The following TNN variants were observed in gnomAD, a reference collection of about 807,000 sequenced individuals.
TNN encodes tenascin N, also known as tenascin-N.
A neutral mutation model predicts 134.4 loss-of-function variants in TNN; 122 were observed. That is an observed-to-expected ratio of 0.91 (90% CI 0.78 to 1.06). The LOEUF (loss-of-function observed/expected upper bound fraction) is 1.06, where lower values mean the gene tolerates loss of function less well. Among genes scored for constraint, TNN ranks in the 50% least tolerant of loss-of-function variants. TNN has a pLI of 0.00. For synonymous variants in TNN, 710 were observed against 670.3 expected (o/e 1.06, Z -0.91); for missense variants, 1,739 against 1,699.4 (o/e 1.02, Z -0.41).
chr1:175,125,822 CTTT>C (rs1399230796), intron 12 of TNN, among the ~76,000 whole-genome samples: 25,569 of 134,648 alleles, frequency 0.19, 2,736 homozygotes, highest in East Asian at 0.22. Flanking sequence ...TCCCTCCCTC[CTTT>C]CTTTCTTTCT....
chr1:175,123,574 G>A lies in TNN; in HGVS notation c.2825G>A (p.Gly942Asp). Residue 942 changes from glycine to aspartate, a missense_variant, in exon 12 of 19, where the codon GGC (glycine) becomes GAC (aspartate). Gly to Asp is a moderately conservative substitution (Grantham distance 94). Transcript: ENST00000239462. Reference sequence around the variant, plus strand: ...GAGCACAGCAGCACTGTCCTGACGGGCCTGAGACCAGGCATGGAGTACATG... The same window carrying A: ...GAGCACAGCAGCACTGTCCTGACGGACCTGAGACCAGGCATGGAGTACATG... The part of the protein sequence containing the change: ...GKEHSSTVLT[G>D]LRPGMEYMVH... 6.2e-7 allele frequency: 1 copy of A among 1,614,044 alleles called. No homozygotes were observed. Among genetic ancestry groups the A allele is most frequent in the Non-Finnish European group, 8.5e-7 (1 of 1,179,932 alleles).
chr1:175,115,999 A>G (rs952725487), intron 9 of TNN, among the ~76,000 whole-genome samples: 2 of 151,262 alleles, frequency 1.3e-5, no homozygotes, highest in Non-Finnish European at 2.9e-5. Flanking sequence ...TGTGCTCACC[A>G]GAGTTTCTGT....
At chr1:175,143,821 C>G (rs1430137949) in intron 17 of TNN, among the ~76,000 whole-genome samples, 1 of 152,188 alleles carries the variant, frequency 6.6e-6, no homozygotes, top group Non-Finnish European at 1.5e-5. Context: ...GACGTCTAAA[C>G]TCCAGAGGGG....
intron 11 of TNN, among the ~76,000 whole-genome samples, chr1:175,121,780 AC>A (rs1350421265): frequency 6.6e-6 from 1 of 152,214 alleles, no homozygotes; most frequent in Non-Finnish European, 1.5e-5. Context: ...TATTTGAGCA[AC>A]ATGGGAGATT....
At chr1:175,144,919 C>T (rs1170344861) in intron 18 of TNN, among the ~76,000 whole-genome samples, 1 of 152,158 alleles carries the variant, frequency 6.6e-6, no homozygotes, top group South Asian at 2.1e-4. Context: ...AAACAACAGA[C>T]ATTTATTTCT....
intron 15 of TNN, among the ~76,000 whole-genome samples, chr1:175,131,645 G>C (rs1675675573): frequency 6.6e-6 from 1 of 152,132 alleles, no homozygotes; most frequent in African/African-American, 2.4e-5. Context: ...CATTTATTGA[G>C]AGATCATAAT....
chr1:175,136,915 A>G lies in TNN; in HGVS notation c.3522A>G (p.Ile1174Met), dbSNP rs768454089. The G allele has an allele frequency of 3.1e-6, 5 of 1,614,202 alleles. No individual in the cohort carries two copies. The South Asian group carries it at 3.3e-5, about 11-fold the overall frequency. The change falls in exon 17 of 19, where the codon ATA becomes ATG. Residue 1174 changes from isoleucine to methionine, a missense_variant. Ile to Met is a conservative substitution (Grantham distance 10). Transcript: ENST00000239462. The stretch of plus-strand genomic sequence containing the variant: ...CTGCCAATGAATCTGCCTATGCTAT[A>G]TATGATTTCTTCCAAGTGGCCTCCA... Reference protein sequence around the residue: ...LQTANESAYAIYDFFQVASSK... With the variant: ...LQTANESAYAMYDFFQVASSK...
intron 9 of TNN, among the ~76,000 whole-genome samples, chr1:175,107,201 T>G (rs892997917): frequency 2.1e-5 from 3 of 146,264 alleles, no homozygotes; most frequent in Non-Finnish European, 4.6e-5. Context: ...GTGGCGCATC[T>G]GGAGTCTGTC....
intron 5 of TNN, 124 bp from the exon 6 acceptor site, chr1:175,085,281 C>T (rs1334744046): frequency 2.9e-5 from 19 of 658,338 alleles, no homozygotes; most frequent in African/African-American, 1.1e-4. Flanking sequence ...AATACAGATT[C>T]ATCTTTGGAG....
intron 9 of TNN, among the ~76,000 whole-genome samples, chr1:175,110,686 AT>A (rs1674995750): frequency 6.6e-6 from 1 of 152,072 alleles, no homozygotes; most frequent in African/African-American, 2.4e-5. Flanking sequence ...AAATATGTGG[AT>A]TTATTTCTGG....
At chr1:175,124,528 A>G (rs944809417) in intron 12 of TNN, among the ~76,000 whole-genome samples, 1 of 152,100 alleles carries the variant, frequency 6.6e-6, no homozygotes, top group Non-Finnish European at 1.5e-5. Context: ...TAAAAATACA[A>G]AAATTAGCTG....
At chr1:175,094,372 G>T in intron 7 of TNN, 119 bp downstream of exon 7, 1 of 1,086,054 alleles carries the variant, frequency 9.2e-7, no homozygotes, top group Non-Finnish European at 1.2e-6. Flanking sequence ...GTGGGGAGGA[G>T]GTTGCAAAAC....
intron 9 of TNN, among the ~76,000 whole-genome samples, chr1:175,099,072 C>T (rs1007533881): frequency 6.6e-6 from 1 of 152,152 alleles, no homozygotes; most frequent in African/African-American, 2.4e-5. Context: ...AATAAAATAT[C>T]TAGTCATTTT....
chr1:175,113,832 G>C (rs535206014), intron 9 of TNN, among the ~76,000 whole-genome samples: 1 of 151,730 alleles, frequency 6.6e-6, no homozygotes, highest in African/African-American at 2.4e-5. Flanking sequence ...TTTTCTGCTT[G>C]ATCAAGTCTG....
intron 11 of TNN, among the ~76,000 whole-genome samples, chr1:175,122,145 C>A (rs934293866): frequency 1.3e-5 from 2 of 151,158 alleles, no homozygotes; most frequent in African/African-American, 2.4e-5. Context: ...AATCCCAGAA[C>A]TTTTGGAGGC....
At chr1:175,098,260 G>C in intron 8 of TNN, 72 bp from the exon 9 acceptor site, 5 of 1,597,772 alleles carry the variant, frequency 3.1e-6, no homozygotes, top group Non-Finnish European at 4.3e-6. Flanking sequence ...AGATGAAAAT[G>C]ATGAAGATGG....
At chr1:175,084,592 G>A (rs1417940616) in intron 5 of TNN, among the ~76,000 whole-genome samples, 1 of 152,172 alleles carries the variant, frequency 6.6e-6, no homozygotes, top group Non-Finnish European at 1.5e-5. Flanking sequence ...CTTGGAATGG[G>A]CCCGTGAAAG....
intron 9 of TNN, among the ~76,000 whole-genome samples, chr1:175,108,361 C>T (rs1015975869): frequency 6.6e-6 from 1 of 152,214 alleles, no homozygotes; most frequent in South Asian, 2.1e-4. Flanking sequence ...AGACTCTCCA[C>T]GTCCCCACCA....
chr1:175,126,658 A>G (rs1187534495), intron 12 of TNN, among the ~76,000 whole-genome samples: 1 of 152,132 alleles, frequency 6.6e-6, no homozygotes, highest in Non-Finnish European at 1.5e-5. Context: ...CTATCTGCCA[A>G]TCTAGGCTGT....
Sources: allele counts gnomAD v4.1 joint callset (sites outside exome capture counted in the v4.1 genomes callset), GRCh38; gene constraint gnomAD v4.1.1; transcripts MANE v1.5; gene names NCBI Gene and HGNC (gene_info 2026-07-23, HGNC 2026-07-21).